ANK3: variants seen among roughly 807,000 people sequenced by gnomAD.
The protein encoded by ANK3 is ankyrin 3.
Under a neutral mutation model 370.9 loss-of-function variants are expected in ANK3, and 57 were observed. The observed-to-expected ratio is 0.15, with a 90% CI of 0.12 to 0.19. The LOEUF (loss-of-function observed/expected upper bound fraction) is 0.19, where lower values mean the gene tolerates loss of function less well. Among genes scored for constraint, ANK3 ranks in the 10% least tolerant of loss-of-function variants. The pLI is 1.00. For synonymous variants in ANK3, 1,929 were observed against 1,946.3 expected, an observed-to-expected ratio of 0.99 and a Z score of 0.23; for missense variants, 4,439 against 5,302.1, an observed-to-expected ratio of 0.84 and a Z score of 5.06.
intron 9 of ANK3, among the ~76,000 whole-genome samples, chr10:60,209,744 T>C (rs1391025524): frequency 1.3e-5 from 2 of 152,230 alleles, no homozygotes; most frequent in South Asian, 2.1e-4. Context: ...TTTTGCTTTA[T>C]GTTTTGATAC....
intron 2 of ANK3, among the ~76,000 whole-genome samples, chr10:60,425,418 A>G (rs1234347478): frequency 6.6e-6 from 1 of 152,118 alleles, no homozygotes; most frequent in African/African-American, 2.4e-5. Flanking sequence ...TTCCCTTTCC[A>G]CTTCTATTGT....
chr10:60,406,628 A>G (rs917996627), intron 2 of ANK3, among the ~76,000 whole-genome samples: 1 of 152,140 alleles, frequency 6.6e-6, no homozygotes, highest in Non-Finnish European at 1.5e-5. Flanking sequence ...AGGCCTACAG[A>G]CTGGTACCAG....
In ANK3 at chr10:60,615,144, C is replaced by A. The variant is rs1177702983; in HGVS notation, c.96+42G>T. 10 of 1,330,586 alleles carry A rather than the reference C, an allele frequency of 7.5e-6. No homozygotes were observed. The Admixed American group carries it at 1.9e-4, about 25-fold the overall frequency. The allele number at this position is 1,330,586 out of a possible 1,614,324, so 82.4% of individuals were successfully genotyped here. A position where few individuals can be genotyped will look rare whatever the true frequency, so the allele number is the denominator to read the frequency against. On this transcript the variant is annotated intron_variant, in intron 2 of 43. Coordinates refer to the ANK3 transcript ENST00000373827. ...AATTGTAAGAAGAAACTTGTCCACACAAAATAATATATTTGTTGAGTTTAG... is the reference window on the plus strand; with the variant it reads ...AATTGTAAGAAGAAACTTGTCCACAAAAAATAATATATTTGTTGAGTTTAG...
intron 2 of ANK3, among the ~76,000 whole-genome samples, chr10:60,495,834 AT>A (rs547498580): frequency 1.3e-5 from 2 of 152,066 alleles, no homozygotes; most frequent in African/African-American, 4.8e-5. Flanking sequence ...GTTAGTTGTG[AT>A]TTTTTTATAA....
At chr10:60,201,566 G>A (rs111662779) in intron 12 of ANK3, among the ~76,000 whole-genome samples, 9 of 152,310 alleles carry the variant, frequency 5.9e-5, no homozygotes, top group African/African-American at 2.2e-4. Context: ...TCTGAAGTGA[G>A]CCTCATGGTT....
At chr10:60,333,611 T>A (rs61924688) in intron 1 of ANK3, among the ~76,000 whole-genome samples, 1 of 152,184 alleles carries the variant, frequency 6.6e-6, no homozygotes, top group Non-Finnish European at 1.5e-5. Flanking sequence ...AATAAACATA[T>A]GTGTGCATGT....
rs553155605 is a variant in ANK3 at position 60,190,820 on chromosome 10, C to T, written c.1888-3908G>A. 2.4e-3 allele frequency among the ~76,000 whole-genome samples: 367 copies of T among 152,276 alleles called. 2 individuals are homozygous for T. The highest frequency in any genetic ancestry group is 8.4e-3 in the African/African-American group (351 of 41,562). On this transcript the variant is annotated intron_variant, in intron 16 of 43. Transcript: ENST00000280772. ...GAACAAAGTTGGAGGCATCATATCA[C>T]CTAACTTTAAATTATACTACAAGGC...
At chr10:60,188,487 G>A (rs547621968) in intron 16 of ANK3, among the ~76,000 whole-genome samples, 35 of 152,302 alleles carry the variant, frequency 2.3e-4, no homozygotes, top group African/African-American at 7.9e-4. Context: ...ATATTTGGAA[G>A]TATGATCCAA....
chr10:60,511,037 T>C (rs1028617641), intron 2 of ANK3, among the ~76,000 whole-genome samples: 2 of 151,960 alleles, frequency 1.3e-5, no homozygotes, highest in Admixed American at 6.6e-5. Flanking sequence ...AAGGAGAAAA[T>C]AGCATTCATC....
intron 17 of ANK3, among the ~76,000 whole-genome samples, chr10:60,183,115 C>T (rs957401890): frequency 1.2e-4 from 18 of 152,112 alleles, no homozygotes; most frequent in African/African-American, 3.9e-4. Context: ...CTGGCTTACC[C>T]ACTCACTGAT....
chr10:60,391,874 A>C (rs944619420), upstream of ANK3, among the ~76,000 whole-genome samples: 1 of 152,212 alleles, frequency 6.6e-6, no homozygotes, highest in Non-Finnish European at 1.5e-5. Context: ...TTAGGACTCT[A>C]TAATGTGACT....
At chr10:60,128,253 G>A (rs2093874868) in intron 25 of ANK3, among the ~76,000 whole-genome samples, 1 of 152,128 alleles carries the variant, frequency 6.6e-6, no homozygotes, top group Non-Finnish European at 1.5e-5. Flanking sequence ...ACTGAGCAAT[G>A]CAGATGTAGA....
intron 1 of ANK3, among the ~76,000 whole-genome samples, chr10:60,291,269 T>C (rs10509128): frequency 0.65 from 99,355 of 151,892 alleles, 32,633 homozygotes; most frequent in South Asian, 0.79. Context: ...ACTTGTCTCT[T>C]AGAGGATATA....
intron 2 of ANK3, among the ~76,000 whole-genome samples, chr10:60,422,573 T>C (rs1378196848): frequency 6.6e-6 from 1 of 152,138 alleles, no homozygotes; most frequent in Non-Finnish European, 1.5e-5. Flanking sequence ...CAACACATTA[T>C]TTTATTCATT....
chr10:60,574,276 T>C (rs7923860), intron 2 of ANK3, among the ~76,000 whole-genome samples: 627 of 152,196 alleles, frequency 4.1e-3, no homozygotes, highest in African/African-American at 0.015. Flanking sequence ...AGGCCAAGCA[T>C]AGGGATTCAA....
At chr10:60,047,188 C>T (rs950240780) in intron 42 of ANK3, among the ~76,000 whole-genome samples, 1 of 152,140 alleles carries the variant, frequency 6.6e-6, no homozygotes, top group Admixed American at 6.5e-5. Flanking sequence ...TTGACAACAT[C>T]ATTTCTGGCA....
Position 60,080,597 on chromosome 10 carries a change from G to T in ANK3, c.4372C>A (p.Gln1458Lys). 1 of 1,597,794 alleles carries T rather than the reference G, an allele frequency of 6.3e-7. No homozygotes were observed. The highest frequency in any genetic ancestry group is 8.5e-7 in the Non-Finnish European group (1 of 1,175,484). ...DDEIEKTDRR[Q>K]SFASLALRKR... Reference sequence around the variant, plus strand: ...CGTAAAGCTAAGGATGCGAAGCTCTGTCGTCTATCTGTTTTCTCAATCTGA... The same window carrying T: ...CGTAAAGCTAAGGATGCGAAGCTCTTTCGTCTATCTGTTTTCTCAATCTGA... The change falls in exon 36 of 44, where the codon CAG becomes AAG. Residue 1458 changes from glutamine (Q) to lysine (K), a missense_variant. Gln to Lys is a moderately conservative substitution (Grantham distance 53). Transcript: ENST00000280772.
intron 25 of ANK3, among the ~76,000 whole-genome samples, chr10:60,123,011 T>C (rs913798109): frequency 4.6e-5 from 7 of 152,216 alleles, no homozygotes; most frequent in African/African-American, 1.7e-4. Flanking sequence ...CCTAGGCCCA[T>C]ACATTCATTT....
intron 1 of ANK3, among the ~76,000 whole-genome samples, chr10:60,695,508 C>A (rs1379499344): frequency 1.3e-5 from 2 of 152,042 alleles, no homozygotes; most frequent in African/African-American, 4.8e-5. Flanking sequence ...GAAGTAAAGC[C>A]CTCCTCAGCA....
Sources: allele counts gnomAD v4.1 joint callset (sites outside exome capture counted in the v4.1 genomes callset), GRCh38; gene constraint gnomAD v4.1.1; transcripts MANE v1.5; gene names NCBI Gene and HGNC (gene_info 2026-07-23, HGNC 2026-07-21).